The following MET variants were observed in gnomAD, a reference collection of about 807,000 sequenced individuals.
MET encodes MET proto-oncogene, receptor tyrosine kinase.
A neutral mutation model predicts 133.1 loss-of-function variants in MET; 48 were observed. The ratio of observed to expected loss-of-function variants is 0.36; its 90% CI spans 0.29 to 0.46. The LOEUF (loss-of-function observed/expected upper bound fraction) is 0.46, where lower values mean the gene tolerates loss of function less well. Ranked by LOEUF, MET falls within the 20% of genes least tolerant of loss-of-function variation. The pLI is 1.00. For synonymous variants in MET, 628 were observed against 616.5 expected, an observed-to-expected ratio of 1.02 and a Z score of -0.28; for missense variants, 1,442 against 1,695.9, an observed-to-expected ratio of 0.85 and a Z score of 2.63.
chr7:116,771,373 G>A (rs927663542), intron 12 of MET, 125 bp from the exon 13 acceptor site: 1 of 1,064,732 alleles, frequency 9.4e-7, no homozygotes, highest in Admixed American at 1.8e-5. Flanking sequence ...TTATCCTGAA[G>A]GCAGTTATGC....
chr7:116,695,652 G>T, intron 1 of MET: 1 of 356,104 alleles, frequency 2.8e-6, no homozygotes, highest in Non-Finnish European at 5.8e-6. Context: ...ATGGGTTCTT[G>T]TTAGCCAGAC....
chr7:116,775,532 C>T (rs547531516), intron 15 of MET, among the ~76,000 whole-genome samples: 1 of 152,092 alleles, frequency 6.6e-6, no homozygotes, highest in East Asian at 1.9e-4. Flanking sequence ...GGCAAAACCC[C>T]GTCTCTACTA....
chr7:116,754,823 A>C (rs573486887), intron 5 of MET, among the ~76,000 whole-genome samples: 5 of 150,996 alleles, frequency 3.3e-5, no homozygotes, highest in African/African-American at 1.2e-4. Flanking sequence ...TCTGAAAAAG[A>C]AAAGAAAAGA....
chr7:116,703,758 G>A (rs1279178324), intron 2 of MET, among the ~76,000 whole-genome samples: 2 of 152,028 alleles, frequency 1.3e-5, no homozygotes, highest in Non-Finnish European at 2.9e-5. Flanking sequence ...CAGAATAAGA[G>A]AATTTTTTAA....
At chr7:116,706,121 C>T (rs1791781665) in intron 2 of MET, among the ~76,000 whole-genome samples, 2 of 152,110 alleles carry the variant, frequency 1.3e-5, no homozygotes, top group South Asian at 2.1e-4. Flanking sequence ...GAAGCTGTCA[C>T]CAAAACTGTG....
In MET at chr7:116,783,388, C is replaced by T; in HGVS notation, c.3717C>T (p.Asn1239=). 6.2e-7 allele frequency: 1 copy of T among 1,614,106 alleles called. No individual in the cohort carries two copies. Among genetic ancestry groups the T allele is most frequent in the Non-Finnish European group, 8.5e-7 (1 of 1,180,008 alleles). ...MYDKEYYSVH[N]KTGAKLPVKW... The stretch of plus-strand genomic sequence containing the variant: ...ATAAAGAATACTATAGTGTACACAA[C>T]AAAACAGGTGCAAAGCTGCCAGTGA... The change falls in exon 19 of 21, where the codon AAC becomes AAT. Residue 1239 remains asparagine (N), a synonymous_variant. Transcript: ENST00000397752.
intron 2 of MET, among the ~76,000 whole-genome samples, chr7:116,731,173 G>A (rs185613765): frequency 6.6e-6 from 1 of 152,218 alleles, no homozygotes; most frequent in African/African-American, 2.4e-5. Flanking sequence ...CCAGCACTTG[G>A]GTCAGTGCTC....
intron 19 of MET, among the ~76,000 whole-genome samples, chr7:116,785,014 A>G (rs1795267850): frequency 6.6e-6 from 1 of 152,198 alleles, no homozygotes; most frequent in Non-Finnish European, 1.5e-5. Context: ...GCCCTACACA[A>G]GTCCGAGGCC....
chr7:116,795,959 G>A lies in MET; in HGVS notation c.4008G>A (p.Arg1336=), dbSNP rs373857586. The A allele has an allele frequency of 1.2e-6, 2 of 1,613,988 alleles. No individual in the cohort carries two copies. Among genetic ancestry groups the A allele is most frequent in the Non-Finnish European group, 1.7e-6 (2 of 1,180,002 alleles). Residue 1336 remains arginine (R), a synonymous_variant, in exon 21 of 21, where the codon CGG becomes CGA. Transcript: ENST00000397752. ...CATCCTTTTCTGAACTGGTGTCCCG[G>A]ATATCAGCGATCTTCTCTACTTTCA... ...MRPSFSELVS[R]ISAIFSTFIG...
chr7:116,791,724 G>T (rs943205876), intron 19 of MET, among the ~76,000 whole-genome samples: 3 of 152,138 alleles, frequency 2.0e-5, no homozygotes, highest in Non-Finnish European at 4.4e-5. Context: ...AAGTGCAGTG[G>T]TGCAATCTTG....
intron 1 of MET, among the ~76,000 whole-genome samples, chr7:116,684,335 G>T (rs187952940): frequency 8.3e-4 from 126 of 152,184 alleles, no homozygotes; most frequent in Non-Finnish European, 2.4e-4. Flanking sequence ...GATTGATTCT[G>T]TTGTCCATTC....
chr7:116,703,949 A>G (rs955353017), intron 2 of MET, among the ~76,000 whole-genome samples: 7 of 152,180 alleles, frequency 4.6e-5, no homozygotes, highest in African/African-American at 1.7e-4. Context: ...AAGTTCTATT[A>G]TCAAAGTTTT....
rs1795739303 is a variant in MET, at chr7:116,798,342, T to C, written c.*2218T>C. 3 of 192,250 alleles carry C rather than the reference T, an allele frequency of 1.6e-5. No individual in the cohort carries two copies. The Admixed American group carries it at 1.8e-4, about 12-fold the overall frequency. 11.9% of individuals were successfully genotyped at this position (192,250 alleles called of 1,614,324 possible). A position where few individuals can be genotyped will look rare whatever the true frequency, so the allele number is the denominator to read the frequency against. On this transcript the variant is annotated 3_prime_UTR_variant, in exon 21 of 21. Coordinates refer to ENST00000397752, the MANE Select transcript of MET (RefSeq NM_000245.4). ...TGGTACTTCGTATGTTAATAGTTGT[T>C]CTGATAAATCATGCAATTAAAGTAA...
chr7:116,796,618 G>C lies in MET; in HGVS notation c.*494G>C, dbSNP rs987113308. 2.1e-5 allele frequency: 6 copies of C among 282,166 alleles called. No homozygotes were observed. Among genetic ancestry groups the C allele is most frequent in the Non-Finnish European group, 4.1e-5 (6 of 147,466 alleles). The allele number at this position is 282,166 out of a possible 1,614,324, so 17.5% of individuals were successfully genotyped here. The stretch of plus-strand genomic sequence containing the variant: ...TACTGATGGTGTCATTCACCCATTA[G>C]GTAAACATTCCCTTTTAAATGTTTG... On this transcript the variant is annotated 3_prime_UTR_variant, in exon 21 of 21. Transcript: ENST00000397752.
At chr7:116,701,024 CATAA>C (rs1791558297) in intron 2 of MET, among the ~76,000 whole-genome samples, 1 of 152,054 alleles carries the variant, frequency 6.6e-6, no homozygotes, top group African/African-American at 2.4e-5. Context: ...TATTTATAAG[CATAA>C]ATATTTTGGT....
At chr7:116,770,081 C>G (rs553207008) in intron 12 of MET, among the ~76,000 whole-genome samples, 1 of 152,272 alleles carries the variant, frequency 6.6e-6, no homozygotes, top group South Asian at 2.1e-4. Context: ...AGGATGCATC[C>G]AAGAGTGTCC....
At chr7:116,786,284 G>T (rs961900170) in intron 19 of MET, among the ~76,000 whole-genome samples, 2 of 152,116 alleles carry the variant, frequency 1.3e-5, no homozygotes, top group African/African-American at 2.4e-5. Flanking sequence ...CCTCTAAATG[G>T]CCCCATCATT....
At chr7:116,675,755 T>TC (rs1491250836) in intron 1 of MET, among the ~76,000 whole-genome samples, 8 of 82,638 alleles carry the variant, frequency 9.7e-5, no homozygotes, top group South Asian at 4.5e-4. Flanking sequence ...TCTCTCTCTC[T>TC]TTTTTTTTTT....
intron 1 of MET, among the ~76,000 whole-genome samples, chr7:116,684,551 T>C (rs1181783501): frequency 6.6e-6 from 1 of 152,154 alleles, no homozygotes; most frequent in Non-Finnish European, 1.5e-5. Flanking sequence ...AGAGAAGGCT[T>C]CCCAGAACTG....
Sources: gnomAD v4.1 joint callset for allele counts (sites outside exome capture counted in the v4.1 genomes callset) on GRCh38, gnomAD v4.1.1 for gene constraint, MANE v1.5 for transcripts, NCBI Gene and HGNC (gene_info 2026-07-23, HGNC 2026-07-21) for gene names.